Variants in EYS observed in about 807,000 individuals in gnomAD.
The protein encoded by EYS is protein eyes shut homolog.
In EYS, 250 loss-of-function variants were observed where a neutral mutation model predicts 282.1. The ratio of observed to expected loss-of-function variants is 0.89; its 90% CI spans 0.80 to 0.98. The LOEUF (loss-of-function observed/expected upper bound fraction) is 0.98, where lower values mean the gene tolerates loss of function less well. Among genes scored for constraint, EYS ranks in the 50% least tolerant of loss-of-function variants. The pLI is 0.00. For missense variants in EYS, 4,016 were observed against 3,709.0 expected (o/e 1.08, Z -2.15); for synonymous variants, 1,355 against 1,282.9 (o/e 1.06, Z -1.20).
chr6:64,540,113 A>T (rs1764652778), intron 26 of EYS, among the ~76,000 whole-genome samples: 1 of 152,210 alleles, frequency 6.6e-6, no homozygotes, highest in South Asian at 2.1e-4. Flanking sequence ...AATATCAGGC[A>T]AAATCTTTTC....
chr6:64,488,148 G>C (rs1415732909), intron 26 of EYS, among the ~76,000 whole-genome samples: 1 of 150,794 alleles, frequency 6.6e-6, no homozygotes, highest in Non-Finnish European at 1.5e-5. Flanking sequence ...AAGATTTTTA[G>C]GTAATACAAT....
chr6:64,592,474 C>T (rs1766443545), intron 25 of EYS, among the ~76,000 whole-genome samples: 1 of 152,110 alleles, frequency 6.6e-6, no homozygotes, highest in African/African-American at 2.4e-5. Context: ...AGACAAGGTA[C>T]ATTTCTACTT....
intron 15 of EYS, among the ~76,000 whole-genome samples, chr6:64,929,503 T>C (rs1198579266): frequency 3.9e-5 from 6 of 152,178 alleles, no homozygotes; most frequent in African/African-American, 1.4e-4. Context: ...TGCTTTCCCC[T>C]TTTCTTCCTT....
intron 12 of EYS, among the ~76,000 whole-genome samples, chr6:65,140,973 C>T (rs1009250241): frequency 4.6e-5 from 7 of 151,302 alleles, no homozygotes; most frequent in African/African-American, 1.7e-4. Context: ...ACCATTTGAC[C>T]CAGCCATCCC....
chr6:64,834,317 T>C (rs74877231), intron 19 of EYS, among the ~76,000 whole-genome samples: 2,606 of 151,832 alleles, frequency 0.017, 76 homozygotes, highest in African/African-American at 0.06. Context: ...TGTAAAGAGG[T>C]TAAAGTTTAA....
At chr6:65,102,217 C>T (rs925127702) in intron 12 of EYS, among the ~76,000 whole-genome samples, 1 of 151,312 alleles carries the variant, frequency 6.6e-6, no homozygotes, top group East Asian at 1.9e-4. Context: ...TATTCTATAC[C>T]TTTAATGACT....
At chr6:64,000,254 C>T (rs536086795) in intron 33 of EYS, among the ~76,000 whole-genome samples, 60 of 128,768 alleles carry the variant, frequency 4.7e-4, no homozygotes, top group South Asian at 3.3e-3. Flanking sequence ...TGCAGTGGCG[C>T]GATCTCGGCT....
intron 23 of EYS, among the ~76,000 whole-genome samples, chr6:64,624,580 G>C (rs2149855467): frequency 6.6e-6 from 1 of 152,162 alleles, no homozygotes; most frequent in East Asian, 1.9e-4. Context: ...TATTTCAAAA[G>C]GGAAGTACAA....
intron 30 of EYS, among the ~76,000 whole-genome samples, chr6:64,255,085 G>T (rs1410730851): frequency 6.6e-6 from 1 of 152,008 alleles, no homozygotes; most frequent in African/African-American, 2.4e-5. Context: ...AAAGATGGAA[G>T]GAAGTGAGGT....
At chr6:64,473,379 ATACTT>A (rs1294740297) in intron 26 of EYS, among the ~76,000 whole-genome samples, 2 of 152,210 alleles carry the variant, frequency 1.3e-5, no homozygotes, top group Non-Finnish European at 2.9e-5. Context: ...TTACAAGTAA[ATACTT>A]TAACATGAAT....
chr6:64,166,532 A>G (rs888954241), intron 31 of EYS, among the ~76,000 whole-genome samples: 3 of 152,152 alleles, frequency 2.0e-5, no homozygotes, highest in African/African-American at 7.2e-5. Context: ...GAAATACAAG[A>G]AGGATGTAGC....
intron 12 of EYS, among the ~76,000 whole-genome samples, chr6:65,209,291 A>C (rs1212535160): frequency 2.6e-5 from 4 of 151,590 alleles, no homozygotes; most frequent in African/African-American, 9.7e-5. Flanking sequence ...TATATTTATT[A>C]CTGGACTCTC....
At chr6:64,345,315 A>C (rs190908786) in intron 29 of EYS, among the ~76,000 whole-genome samples, 10 of 152,320 alleles carry the variant, frequency 6.6e-5, no homozygotes, top group Admixed American at 4.6e-4. Flanking sequence ...ATGAGGCTAC[A>C]GTAACCAAAA....
At chr6:65,089,497 C>G (rs1581899660) in intron 12 of EYS, among the ~76,000 whole-genome samples, 1 of 152,188 alleles carries the variant, frequency 6.6e-6, no homozygotes, top group Non-Finnish European at 1.5e-5. Flanking sequence ...GCCAATTTCT[C>G]CCATTTGGAA....
chr6:64,376,394 T>C (rs1173236255), intron 29 of EYS, among the ~76,000 whole-genome samples: 1 of 152,034 alleles, frequency 6.6e-6, no homozygotes, highest in Non-Finnish European at 1.5e-5. Context: ...TGAGGATAAA[T>C]ACCCAGGCAA....
intron 18 of EYS, among the ~76,000 whole-genome samples, chr6:64,901,087 G>T (rs929662698): frequency 2.0e-5 from 3 of 151,722 alleles, no homozygotes; most frequent in Non-Finnish European, 2.9e-5. Context: ...CCTGTTCTTT[G>T]CAGGGACATG....
chr6:64,052,275 TA>T (rs1168664856), intron 33 of EYS, among the ~76,000 whole-genome samples: 1 of 152,182 alleles, frequency 6.6e-6, no homozygotes, highest in Non-Finnish European at 1.5e-5. Context: ...GAAAACTTTT[TA>T]ATTAAGCACT....
intron 2 of EYS, among the ~76,000 whole-genome samples, chr6:65,627,315 G>T (rs922531584): frequency 2.6e-5 from 4 of 152,092 alleles, no homozygotes; most frequent in Admixed American, 2.0e-4. Context: ...TTAACAAAGA[G>T]AATTTGTGAT....
At chr6:64,100,678 A>C (rs1772795160) in intron 31 of EYS, among the ~76,000 whole-genome samples, 1 of 152,160 alleles carries the variant, frequency 6.6e-6, no homozygotes, top group African/African-American at 2.4e-5. Context: ...TGACACTTTC[A>C]TACTGGCACT....
Sources: gnomAD v4.1 joint callset for allele counts (sites outside exome capture counted in the v4.1 genomes callset) on GRCh38, gnomAD v4.1.1 for gene constraint, MANE v1.5 for transcripts, NCBI Gene and HGNC (gene_info 2026-07-23, HGNC 2026-07-21) for gene names.